RASA1: variants seen among roughly 807,000 people sequenced by gnomAD.
RASA1 encodes ras GTPase-activating protein 1.
In RASA1, 25 loss-of-function variants were observed where a neutral mutation model predicts 132.2. That is an observed-to-expected ratio of 0.19 (90% CI 0.14 to 0.26). The LOEUF is 0.26. Among genes scored for constraint, RASA1 ranks in the 10% least tolerant of loss-of-function variants. The pLI is 1.00. For synonymous variants in RASA1, 477 were observed against 449.9 expected, an observed-to-expected ratio of 1.06 and a Z score of -0.76; for missense variants, 964 against 1,299.2, an observed-to-expected ratio of 0.74 and a Z score of 3.97.
intron 15 of RASA1, among the ~76,000 whole-genome samples, chr5:87,376,080 G>A (rs186599146): frequency 3.1e-4 from 47 of 152,168 alleles, no homozygotes; most frequent in Middle Eastern, 3.4e-3. Flanking sequence ...TACTCGAATA[G>A]CATTCACCAC....
intron 1 of RASA1, among the ~76,000 whole-genome samples, chr5:87,316,943 C>T (rs891572875): frequency 1.3e-5 from 2 of 151,250 alleles, no homozygotes; most frequent in African/African-American, 4.9e-5. Context: ...AGTGCAGTGG[C>T]GAAATCTCGG....
At chr5:87,339,585 G>C (rs546004302) in intron 5 of RASA1, among the ~76,000 whole-genome samples, 14 of 152,024 alleles carry the variant, frequency 9.2e-5, no homozygotes, top group Admixed American at 2.0e-4. Flanking sequence ...AATTTAACAA[G>C]ATAACCTTTA....
At chr5:87,305,875 A>G (rs1334855325) in intron 1 of RASA1, among the ~76,000 whole-genome samples, 1 of 152,260 alleles carries the variant, frequency 6.6e-6, no homozygotes, top group Non-Finnish European at 1.5e-5. Flanking sequence ...ATCAGATGAA[A>G]TAAAGCTCAA....
intron 9 of RASA1, among the ~76,000 whole-genome samples, chr5:87,357,697 T>G (rs1759756721): frequency 6.8e-6 from 1 of 146,266 alleles, no homozygotes; most frequent in Non-Finnish European, 1.5e-5. Context: ...AGAACGAGAT[T>G]CCATCTCAAA....
chr5:87,268,770 G>C lies in RASA1; in HGVS notation c.319G>C (p.Val107Leu), dbSNP rs138308013. ...GAAAGVAGAA[V>L]AGPSGDMALT... ...TGCTGCTGGCGTGGCCGGTGCTGCT[G>C]TTGCTGGACCTAGTGGAGACATGGC... The change falls in exon 1 of 25, where the codon GTT becomes CTT. Residue 107 changes from valine to leucine, a missense_variant. Coordinates refer to ENST00000274376, the MANE Select transcript of RASA1 (RefSeq NM_002890.3). The C allele has an allele frequency of 1.1e-5, 17 of 1,613,980 alleles. No homozygotes were observed. In the African/African-American group the frequency reaches 2.1e-4, roughly 20 times the overall value.
Position 87,312,302 on chromosome 5 carries a change from G to A in RASA1, c.540-19046G>A, listed in dbSNP as rs138190869. On this transcript the variant is annotated intron_variant, in intron 1 of 24. Transcript: ENST00000274376. ...AATGCAGAAACAGATAAGGAAATCT[G>A]TCTTCTGTTAAGTTAGATAGTAAAC... Among the ~76,000 whole-genome samples the A allele has an allele frequency of 2.3e-3, 356 of 152,268 alleles. 2 individuals carry two copies. The highest frequency in any genetic ancestry group is 8.2e-3 in the African/African-American group (341 of 41,542).
chr5:87,296,147 G>A (rs1211870193), intron 1 of RASA1, among the ~76,000 whole-genome samples: 2 of 150,946 alleles, frequency 1.3e-5, no homozygotes, highest in Non-Finnish European at 2.9e-5. Context: ...CCTAACTTAA[G>A]TGTTTGCCCT....
chr5:87,351,743 A>C (rs1490132970), intron 8 of RASA1, among the ~76,000 whole-genome samples: 2 of 151,624 alleles, frequency 1.3e-5, no homozygotes, highest in African/African-American at 2.4e-5. Flanking sequence ...TTTTAAAAAA[A>C]CTCTTAAGTC....
At chr5:87,346,805 C>G in intron 7 of RASA1, 81 bp downstream of exon 7, 2 of 1,120,818 alleles carry the variant, frequency 1.8e-6, no homozygotes, top group South Asian at 2.7e-5. Flanking sequence ...ATGTGTTTTG[C>G]CTTTAGCATT....
chr5:87,361,509 C>T (rs577394205), intron 9 of RASA1, among the ~76,000 whole-genome samples: 2 of 152,072 alleles, frequency 1.3e-5, no homozygotes, highest in Non-Finnish European at 2.9e-5. Flanking sequence ...AAATATGAAT[C>T]CTTGCAAAAT....
At chr5:87,284,693 CTATT>C (rs747805848) in intron 1 of RASA1, among the ~76,000 whole-genome samples, 64 of 152,214 alleles carry the variant, frequency 4.2e-4, no homozygotes, top group South Asian at 1.0e-3. Context: ...AAGAATATAA[CTATT>C]TGTTTGTATT....
intron 5 of RASA1, among the ~76,000 whole-genome samples, chr5:87,340,303 C>G (rs932676268): frequency 6.6e-6 from 1 of 152,066 alleles, no homozygotes; most frequent in African/African-American, 2.4e-5. Flanking sequence ...TCCATAGCAC[C>G]TTGCTAATTC....
At chr5:87,339,226 A>T (rs948593251) in intron 5 of RASA1, among the ~76,000 whole-genome samples, 2 of 152,108 alleles carry the variant, frequency 1.3e-5, no homozygotes, top group Non-Finnish European at 2.9e-5. Context: ...CCAAATCTTG[A>T]TCCATAGAAG....
intron 1 of RASA1, among the ~76,000 whole-genome samples, chr5:87,308,740 T>C (rs1009761735): frequency 1.3e-5 from 2 of 152,210 alleles, no homozygotes; most frequent in South Asian, 2.1e-4. Flanking sequence ...ATTTTTATTG[T>C]GTCTTTTCTG....
At chr5:87,326,628 C>T (rs1175589647) in intron 1 of RASA1, among the ~76,000 whole-genome samples, 1 of 152,082 alleles carries the variant, frequency 6.6e-6, no homozygotes, top group Non-Finnish European at 1.5e-5. Context: ...TTACATTAAG[C>T]AGTTTTAAGT....
chr5:87,285,004 C>T (rs772777497), intron 1 of RASA1, among the ~76,000 whole-genome samples: 1 of 151,738 alleles, frequency 6.6e-6, no homozygotes, highest in Admixed American at 6.6e-5. Context: ...AATCATACAA[C>T]TTTTAAAGTG....
intron 21 of RASA1, among the ~76,000 whole-genome samples, 186 bp downstream of exon 21, chr5:87,383,966 T>G (rs1761902701): frequency 6.6e-6 from 1 of 152,066 alleles, no homozygotes; most frequent in Non-Finnish European, 1.5e-5. Context: ...TCTTTTTGTT[T>G]CTTTTCTTCC....
chr5:87,271,452 C>CCTTT (rs1753831249), intron 1 of RASA1, among the ~76,000 whole-genome samples: 1 of 38,228 alleles, frequency 2.6e-5, no homozygotes, highest in Non-Finnish European at 5.0e-5. Flanking sequence ...TAGTAGACTT[C>CCTTT]TTTTTTTTTT....
intron 1 of RASA1, among the ~76,000 whole-genome samples, chr5:87,302,066 A>G (rs141045398): frequency 4.0e-4 from 61 of 152,238 alleles, no homozygotes; most frequent in South Asian, 8.3e-4. Flanking sequence ...CTAGGATTAG[A>G]ATTGCTGGGT....
Sources: allele counts gnomAD v4.1 joint callset (sites outside exome capture counted in the v4.1 genomes callset), GRCh38; gene constraint gnomAD v4.1.1; transcripts MANE v1.5; gene names NCBI Gene and HGNC (gene_info 2026-07-23, HGNC 2026-07-21).